Variants in C3orf20 observed in about 807,000 individuals in gnomAD.
C3orf20 encodes family with sequence similarity 149 member C.
In C3orf20, 76 loss-of-function variants were observed where a neutral mutation model predicts 88.3. That is an observed-to-expected ratio of 0.86 (90% CI 0.72 to 1.04). C3orf20 has a LOEUF of 1.04. Ranked by LOEUF, C3orf20 falls within the 50% of genes least tolerant of loss-of-function variation. The pLI is 0.00. For missense variants in C3orf20, 1,056 were observed against 1,123.3 expected (o/e 0.94, Z 0.86); for synonymous variants, 436 against 437.4 (o/e 1.00, Z 0.04).
chr3:14,756,377 T>C (rs1366048108), intron 12 of C3orf20, among the ~76,000 whole-genome samples: 1 of 152,080 alleles, frequency 6.6e-6, no homozygotes, highest in African/African-American at 2.4e-5. Flanking sequence ...GAATCTTTAC[T>C]ATTTTTCAAA....
At chr3:14,691,466 G>T (rs544357615) in intron 5 of C3orf20, among the ~76,000 whole-genome samples, 1 of 152,238 alleles carries the variant, frequency 6.6e-6, no homozygotes, top group Non-Finnish European at 1.5e-5. Flanking sequence ...GATGTCTTGA[G>T]CAAGGCTGTT....
chr3:14,702,408 C>G (rs2033308870), intron 5 of C3orf20, among the ~76,000 whole-genome samples: 2 of 151,710 alleles, frequency 1.3e-5, no homozygotes, highest in Non-Finnish European at 2.9e-5. Flanking sequence ...CATTCTGCCC[C>G]TGGCTCCTCC....
chr3:14,755,793 G>A (rs2035344677), intron 12 of C3orf20, among the ~76,000 whole-genome samples: 1 of 152,118 alleles, frequency 6.6e-6, no homozygotes, highest in South Asian at 2.1e-4. Flanking sequence ...ACTTTGGGAG[G>A]CCGAGGCGGG....
intron 13 of C3orf20, among the ~76,000 whole-genome samples, chr3:14,758,200 A>C (rs1389886824): frequency 6.6e-6 from 1 of 152,182 alleles, no homozygotes; most frequent in Non-Finnish European, 1.5e-5. Flanking sequence ...CTCTGGGCAC[A>C]CAAGAGCCTG....
At chr3:14,688,847 A>G (rs1164016434) in intron 4 of C3orf20, among the ~76,000 whole-genome samples, 1 of 152,062 alleles carries the variant, frequency 6.6e-6, no homozygotes, top group Non-Finnish European at 1.5e-5. Context: ...AGTTTCTTTT[A>G]CTTAACAGAG....
Position 14,682,788 on chromosome 3 carries a change from C to G in C3orf20, c.75C>G (p.Ile25Met), listed in dbSNP as rs2032166155. 1 of 1,614,192 alleles carries G rather than the reference C, an allele frequency of 6.2e-7. No individual in the cohort carries two copies. The highest frequency in any genetic ancestry group is 8.5e-7 in the Non-Finnish European group (1 of 1,180,032). The change falls in exon 3 of 17, where the codon ATC becomes ATG. Residue 25 changes from isoleucine (I) to methionine (M), a missense_variant. Physicochemically the swap from Ile to Met is conservative, Grantham distance 10. Transcript: ENST00000253697. ...TAMAPKLLAR[I>M]SKLLMICQNA... ...TGGCCCCCAAGCTACTGGCCCGCATCTCCAAACTCCTCATGATCTGCCAGA... is the reference window on the plus strand; with the variant it reads ...TGGCCCCCAAGCTACTGGCCCGCATGTCCAAACTCCTCATGATCTGCCAGA...
chr3:14,754,642 GT>G (rs1271415407), intron 12 of C3orf20, among the ~76,000 whole-genome samples: 1 of 152,186 alleles, frequency 6.6e-6, no homozygotes, highest in East Asian at 1.9e-4. Context: ...GTCAACGGAT[GT>G]GGTTTTTGAG....
Position 14,772,234 on chromosome 3 carries a change from T to C in C3orf20, c.2630+33T>C. 6.2e-7 allele frequency: 1 copy of C among 1,614,060 alleles called. No homozygotes were observed. Among genetic ancestry groups the C allele is most frequent in the Non-Finnish European group, 8.5e-7 (1 of 1,179,960 alleles). On this transcript the variant is annotated intron_variant, in intron 16 of 16. Transcript: ENST00000253697. This position sits in a 1 kb window ranked among gnomAD's most constrained non-coding sequence, Gnocchi z 4.2. ...ACCACATCAGCTGCCAGAATGGGCG[T>C]GGCTCACAGCAGGCCACCTCGGGGC...
chr3:14,727,083 C>G, intron 11 of C3orf20, 59 bp downstream of exon 11: 1 of 1,591,584 alleles, frequency 6.3e-7, no homozygotes, highest in Non-Finnish European at 8.6e-7. Flanking sequence ...TCCTGAGATT[C>G]TGGCAGGTCA....
chr3:14,724,725 G>T (rs2034288283), intron 10 of C3orf20, among the ~76,000 whole-genome samples: 2 of 152,158 alleles, frequency 1.3e-5, no homozygotes, highest in African/African-American at 4.8e-5. Flanking sequence ...TAGATAATTA[G>T]AATTAATTTT....
At chr3:14,757,010 G>A (rs1428058621) in intron 12 of C3orf20, among the ~76,000 whole-genome samples, 2 of 152,200 alleles carry the variant, frequency 1.3e-5, no homozygotes, top group South Asian at 2.1e-4. Context: ...CATCCGTGGG[G>A]GTGGAGGGGA....
chr3:14,753,676 G>A (rs1428039238), intron 12 of C3orf20, among the ~76,000 whole-genome samples: 1 of 152,008 alleles, frequency 6.6e-6, no homozygotes, highest in Non-Finnish European at 1.5e-5. Flanking sequence ...TTAGAATGTG[G>A]TAACCCTGGA....
chr3:14,729,566 A>G (rs529761157), intron 12 of C3orf20, among the ~76,000 whole-genome samples: 1 of 151,924 alleles, frequency 6.6e-6, no homozygotes, highest in Non-Finnish European at 1.5e-5. Flanking sequence ...TTTTTTTTTC[A>G]GACAGGGTCT....
At chr3:14,729,694 C>T (rs2034473402) in intron 12 of C3orf20, among the ~76,000 whole-genome samples, 1 of 152,086 alleles carries the variant, frequency 6.6e-6, no homozygotes. Flanking sequence ...AACAGGCATG[C>T]ACCACCACGC....
Position 14,757,409 on chromosome 3 carries a change from C to T in C3orf20, c.1979C>T (p.Ala660Val), listed in dbSNP as rs755039389. 4.3e-6 allele frequency: 7 copies of T among 1,611,912 alleles called. No individual in the cohort carries two copies. The highest frequency in any genetic ancestry group is 2.2e-4 in the Middle Eastern group (1 of 4,466). The change falls in exon 13 of 17, where the codon GCG becomes GTG. Residue 660 changes from alanine (A) to valine (V), a missense_variant. Coordinates refer to ENST00000253697, the MANE Select transcript of C3orf20 (RefSeq NM_032137.5). ...GAGGGGCGCAGCCCCACCAGGTGGG[C>T]GGCCTTGCCCTCAGACTGCCCGCTG... ...AREGRSPTRW[A>V]ALPSDCPLVL...
chr3:14,767,297 G>A (rs563394373), intron 15 of C3orf20: 1 of 152,456 alleles, frequency 6.6e-6, no homozygotes, highest in Admixed American at 6.5e-5. Flanking sequence ...AACCCCAGCT[G>A]CTAGGCAATG....
At chr3:14,716,363 T>A (rs1437127468) in intron 9 of C3orf20, among the ~76,000 whole-genome samples, 1 of 152,138 alleles carries the variant, frequency 6.6e-6, no homozygotes, top group African/African-American at 2.4e-5. Flanking sequence ...GAACATAGCA[T>A]CCACTCAAGC....
At chr3:14,711,821 T>C (rs1263220370) in intron 7 of C3orf20, among the ~76,000 whole-genome samples, 1 of 152,086 alleles carries the variant, frequency 6.6e-6, no homozygotes, top group Non-Finnish European at 1.5e-5. Flanking sequence ...AAGGACTTAA[T>C]TCTTTAGTTT....
chr3:14,704,938 G>C (rs1039034124), intron 7 of C3orf20, among the ~76,000 whole-genome samples: 1 of 152,200 alleles, frequency 6.6e-6, no homozygotes, highest in Admixed American at 6.5e-5. Flanking sequence ...CGTGGTTAAA[G>C]ACACAAAACA....
Sources: allele counts gnomAD v4.1 joint callset (sites outside exome capture counted in the v4.1 genomes callset), GRCh38; gene constraint gnomAD v4.1.1; non-coding constraint Gnocchi (gnomAD v3.1); transcripts MANE v1.5; gene names NCBI Gene and HGNC (gene_info 2026-07-23, HGNC 2026-07-21).